The following STK39 variants were observed in gnomAD, a reference collection of about 807,000 sequenced individuals.
STK39 encodes the protein serine/threonine kinase 39.
A neutral mutation model predicts 77.8 loss-of-function variants in STK39; 20 were observed. The observed-to-expected ratio is 0.26, with a 90% CI of 0.18 to 0.37. The LOEUF (loss-of-function observed/expected upper bound fraction) is 0.37, where lower values mean the gene tolerates loss of function less well. STK39 is among the 10% of genes least tolerant of loss of function. The pLI is 1.00. For missense variants in STK39, 479 were observed against 656.5 expected, an observed-to-expected ratio of 0.73 and a Z score of 2.95; for synonymous variants, 246 against 234.1, an observed-to-expected ratio of 1.05 and a Z score of -0.47.
intron 14 of STK39, among the ~76,000 whole-genome samples, chr2:168,024,079 T>C (rs1282879208): frequency 3.3e-5 from 5 of 152,164 alleles, no homozygotes; most frequent in South Asian, 4.1e-4. Context: ...AAGCTAGGAA[T>C]TGGTCAGGAC....
chr2:167,999,414 T>C (rs1683934505), intron 16 of STK39, among the ~76,000 whole-genome samples: 2 of 152,208 alleles, frequency 1.3e-5, no homozygotes, highest in South Asian at 4.1e-4. Flanking sequence ...GTTTTGTTAA[T>C]CAGGTGTACT....
chr2:168,034,103 AGCT>A, intron 14 of STK39, among the ~76,000 whole-genome samples: 1 of 152,340 alleles, frequency 6.6e-6, no homozygotes, highest in South Asian at 2.1e-4. Flanking sequence ...GTCCTACAGC[AGCT>A]GCTAACAATG....
At chr2:168,214,111 T>C (rs1399701688) in intron 1 of STK39, among the ~76,000 whole-genome samples, 1 of 152,058 alleles carries the variant, frequency 6.6e-6, no homozygotes, top group Non-Finnish European at 1.5e-5. Flanking sequence ...CACCTCCACA[T>C]CCTAAGCTGT....
intron 15 of STK39, 74 bp downstream of exon 15, chr2:168,016,969 A>T: frequency 8.1e-7 from 1 of 1,237,426 alleles, no homozygotes; most frequent in Non-Finnish European, 1.2e-6. Context: ...ATAGCAGATT[A>T]TAACCACATG....
intron 1 of STK39, among the ~76,000 whole-genome samples, chr2:168,206,345 G>A (rs1689743612): frequency 6.7e-6 from 1 of 150,178 alleles, no homozygotes; most frequent in African/African-American, 2.5e-5. Context: ...TTGTTGCCCA[G>A]GCTGGAGTGC....
intron 1 of STK39, among the ~76,000 whole-genome samples, chr2:168,207,451 T>C (rs1180829041): frequency 6.6e-6 from 1 of 152,202 alleles, no homozygotes; most frequent in African/African-American, 2.4e-5. Context: ...TGAGTACATA[T>C]TATTTGCACC....
At chr2:168,103,777 ATT>A (rs1340457850) in intron 10 of STK39, among the ~76,000 whole-genome samples, 1 of 152,308 alleles carries the variant, frequency 6.6e-6, no homozygotes, top group African/African-American at 2.4e-5. Flanking sequence ...AAGGCTCAAC[ATT>A]TCTGTAAACT....
chr2:168,204,653 T>C (rs1241022593), intron 1 of STK39, among the ~76,000 whole-genome samples: 1 of 152,222 alleles, frequency 6.6e-6, no homozygotes, highest in Non-Finnish European at 1.5e-5. Flanking sequence ...CTACAGAAAG[T>C]ATGATTTTCT....
intron 10 of STK39, among the ~76,000 whole-genome samples, chr2:168,106,920 A>G (rs1194903326): frequency 6.6e-6 from 1 of 152,238 alleles, no homozygotes; most frequent in East Asian, 1.9e-4. Context: ...CTAGAACTAC[A>G]GGGAATACAT....
At chr2:168,021,503 T>A (rs1030632222) in intron 14 of STK39, among the ~76,000 whole-genome samples, 1 of 152,194 alleles carries the variant, frequency 6.6e-6, no homozygotes, top group Non-Finnish European at 1.5e-5. Context: ...TTAACACCTT[T>A]AATTGAAAGT....
intron 14 of STK39, among the ~76,000 whole-genome samples, chr2:168,022,934 T>C (rs1165919121): frequency 1.3e-5 from 2 of 152,198 alleles, no homozygotes; most frequent in Admixed American, 6.5e-5. Context: ...TGGATTCTTT[T>C]AGAGACAAGG....
intron 10 of STK39, among the ~76,000 whole-genome samples, chr2:168,086,340 TCTGA>T (rs1360678078): frequency 6.6e-6 from 1 of 152,226 alleles, no homozygotes; most frequent in African/African-American, 2.4e-5. Flanking sequence ...AGTATCTCCA[TCTGA>T]CTATGTTATT....
chr2:167,961,381 T>C (rs1691955639), intron 17 of STK39, among the ~76,000 whole-genome samples: 1 of 152,228 alleles, frequency 6.6e-6, no homozygotes, highest in Non-Finnish European at 1.5e-5. Context: ...CAATTAGATG[T>C]TAATTACATG....
intron 8 of STK39, among the ~76,000 whole-genome samples, chr2:168,134,712 G>A (rs1367854095): frequency 1.3e-5 from 2 of 152,100 alleles, no homozygotes; most frequent in African/African-American, 4.8e-5. Context: ...CCTTTTATGA[G>A]GAAAGTCCCA....
At chr2:168,100,383 C>T (rs777187852) in intron 10 of STK39, among the ~76,000 whole-genome samples, 4 of 152,112 alleles carry the variant, frequency 2.6e-5, no homozygotes, top group Non-Finnish European at 5.9e-5. Flanking sequence ...GATCAGGATA[C>T]GTCATTTTAC....
At chr2:167,994,488 G>A (rs1451567318) in intron 16 of STK39, among the ~76,000 whole-genome samples, 2 of 152,142 alleles carry the variant, frequency 1.3e-5, no homozygotes. Flanking sequence ...GAACAATTTA[G>A]TGGCATTTAG....
intron 10 of STK39, among the ~76,000 whole-genome samples, chr2:168,124,730 A>T (rs955086548): frequency 1.2e-4 from 18 of 152,312 alleles, no homozygotes; most frequent in South Asian, 6.2e-4. Context: ...CACAGAAAGC[A>T]TATGAATATG....
rs1345491124 is a variant in STK39, at chr2:168,075,159, C to T, written c.1162G>A (p.Glu388Lys). Residue 388 changes from glutamate (E) to lysine (K), a missense_variant, in exon 11 of 18, where the codon GAG becomes AAG. By Grantham distance (56) the Glu-to-Lys change is moderately conservative. Coordinates refer to ENST00000355999, the MANE Select transcript of STK39 (RefSeq NM_013233.3). ...EDGDWEWSDD[E>K]MDEKSEEGKA... ...CCTTCTTCGCTCTTCTCATCCATCT[C>T]GTCGTCACTCCACTCCCAGTCCCCG... 3.7e-6 allele frequency: 6 copies of T among 1,614,054 alleles called. No individual in the cohort carries two copies. The highest frequency in any genetic ancestry group is 5.1e-6 in the Non-Finnish European group (6 of 1,180,044).
chr2:168,168,156 C>T (rs1276203893), intron 2 of STK39, among the ~76,000 whole-genome samples: 1 of 152,094 alleles, frequency 6.6e-6, no homozygotes, highest in African/African-American at 2.4e-5. Flanking sequence ...CTTTGTGGGT[C>T]ACATCTTGGA....
Sources: gnomAD v4.1 joint callset for allele counts (sites outside exome capture counted in the v4.1 genomes callset) on GRCh38, gnomAD v4.1.1 for gene constraint, MANE v1.5 for transcripts, NCBI Gene and HGNC (gene_info 2026-07-23, HGNC 2026-07-21) for gene names.